BAZ1B: variants seen among roughly 807,000 people sequenced by gnomAD.
The protein encoded by BAZ1B is tyrosine-protein kinase BAZ1B.
BAZ1B carries 22 observed loss-of-function variants against 153.8 expected under a neutral mutation model. The ratio of observed to expected loss-of-function variants is 0.14; its 90% CI spans 0.10 to 0.20. The LOEUF (loss-of-function observed/expected upper bound fraction) is 0.20, where lower values mean the gene tolerates loss of function less well. BAZ1B is among the 10% of genes least tolerant of loss of function. The pLI is 1.00. For synonymous variants in BAZ1B, 676 were observed against 633.4 expected, an observed-to-expected ratio of 1.07 and a Z score of -1.01; for missense variants, 1,325 against 1,799.3, an observed-to-expected ratio of 0.74 and a Z score of 4.77.
intron 1 of BAZ1B, among the ~76,000 whole-genome samples, chr7:73,520,610 C>T (rs1452370051): frequency 6.6e-6 from 1 of 152,172 alleles, no homozygotes; most frequent in Non-Finnish European, 1.5e-5. Context: ...TCTCCAAGAG[C>T]CTTCCTCCAG....
chr7:73,448,786 T>G (rs1787927435), intron 15 of BAZ1B, among the ~76,000 whole-genome samples: 1 of 152,042 alleles, frequency 6.6e-6, no homozygotes, highest in African/African-American at 2.4e-5. Flanking sequence ...CCCAAGCTGG[T>G]ATTGTGTAAG....
chr7:73,469,576 C>T lies in BAZ1B; in HGVS notation c.2807G>A (p.Arg936Gln), dbSNP rs1159927298. ...KGWVHDSIDY[R>Q]FNHHCKDHTV... ...GTGGTCTTTGCAGTGATGGTTGAAT[C>T]GGTAGTCAATGCTGTCATGTACCCA... The change falls in exon 9 of 20, where the codon CGA (arginine) becomes CAA (glutamine). Residue 936 changes from arginine (R) to glutamine (Q), a missense_variant. Coordinates refer to ENST00000339594, the MANE Select transcript of BAZ1B (RefSeq NM_032408.4). 3.1e-6 allele frequency: 5 copies of T among 1,614,004 alleles called. No individual in the cohort carries two copies. The highest frequency in any genetic ancestry group is 4.2e-6 in the Non-Finnish European group (5 of 1,180,010).
intron 13 of BAZ1B, among the ~76,000 whole-genome samples, chr7:73,453,837 G>C (rs1554568987): frequency 1.3e-5 from 2 of 151,850 alleles, no homozygotes; most frequent in Non-Finnish European, 2.9e-5. Flanking sequence ...GAAAAAGCCG[G>C]GTATGGTGGC....
In BAZ1B at chr7:73,442,831, G is replaced by A. The variant is rs782665302; in HGVS notation, c.3991-3C>T. The A allele has an allele frequency of 4.3e-6, 7 of 1,610,024 alleles. No individual in the cohort carries two copies. Among genetic ancestry groups the A allele is most frequent in the Non-Finnish European group, 5.9e-6 (7 of 1,177,056 alleles). On this transcript the variant is annotated splice_polypyrimidine_tract_variant and splice_region_variant and intron_variant, in intron 17 of 19. Coordinates refer to ENST00000339594, the MANE Select transcript of BAZ1B (RefSeq NM_032408.4). ...GAGCTCCGCTTGGTCTGAAGCACCT[G>A]GCAGGAAAGAAAGAACAATGTTATT...
At chr7:73,473,634 A>G (rs1554572366) in intron 7 of BAZ1B, among the ~76,000 whole-genome samples, 2 of 152,230 alleles carry the variant, frequency 1.3e-5, no homozygotes, top group South Asian at 2.1e-4. Context: ...AAATATTTCA[A>G]TGGCCTTAAG....
chr7:73,515,166 A>C (rs1392221900), intron 1 of BAZ1B, among the ~76,000 whole-genome samples: 1 of 152,220 alleles, frequency 6.6e-6, no homozygotes, highest in Non-Finnish European at 1.5e-5. Flanking sequence ...ATTCGTCTAA[A>C]TTCTAATCAT....
Position 73,477,023 on chromosome 7 carries a change from T to C in BAZ1B, c.2438A>G (p.Asn813Ser), listed in dbSNP as rs1048306515. The change falls in exon 7 of 20, where the codon AAT becomes AGT. Residue 813 changes from asparagine to serine, a missense_variant. Asn to Ser is a conservative substitution (Grantham distance 46, BLOSUM62 1). Transcript: ENST00000339594. This position sits in a 1 kb window ranked among gnomAD's most constrained non-coding sequence, Gnocchi z 5.6. Reference sequence around the variant, plus strand: ...TTTCCTATCAGTTTTGCCTAACCCATTCTCAACTTTTCCATTTTCTTTATT... The same window carrying C: ...TTTCCTATCAGTTTTGCCTAACCCACTCTCAACTTTTCCATTTTCTTTATT... ...AKNKENGKVE[N>S]GLGKTDRKKE... 1.2e-6 allele frequency: 2 copies of C among 1,614,092 alleles called. No homozygotes were observed. Among genetic ancestry groups the C allele is most frequent in the African/African-American group, 1.3e-5 (1 of 74,940 alleles).
At chr7:73,479,375 G>A (rs528714337) in intron 6 of BAZ1B, among the ~76,000 whole-genome samples, 2 of 151,972 alleles carry the variant, frequency 1.3e-5, no homozygotes, top group Admixed American at 1.3e-4. Flanking sequence ...CAGGCATGGT[G>A]GCACATGCCT....
intron 11 of BAZ1B, 44 bp downstream of exon 11, chr7:73,465,395 C>T: frequency 1.5e-6 from 2 of 1,302,922 alleles, no homozygotes; most frequent in East Asian, 2.4e-5. Context: ...ATATCCAATG[C>T]TAAAGAGAAG....
chr7:73,452,165 A>T (rs1203027154), intron 13 of BAZ1B, among the ~76,000 whole-genome samples: 1 of 152,184 alleles, frequency 6.6e-6, no homozygotes, highest in African/African-American at 2.4e-5. Context: ...TTTTTAAAAA[A>T]CAGATTTTAA....
At chr7:73,446,546 CAAAA>C (rs1175189600) in intron 16 of BAZ1B, among the ~76,000 whole-genome samples, 30 of 41,532 alleles carry the variant, frequency 7.2e-4, no homozygotes, top group African/African-American at 2.2e-3. Context: ...GAGACCATCT[CAAAA>C]AAAAAAAAAA....
At position 73,478,351 on chromosome 7, in the gene BAZ1B, C is replaced by T; in HGVS notation, c.1110G>A (p.Met370Ile). ...GCAGCTTATTGGGCGACATCATCTT[C>T]ATCATTTCTTCTAGATGTTCTTCAG... ...KSPEEHLEEMMKMMSPNKLHT... is the reference protein window; with the variant it reads ...KSPEEHLEEMIKMMSPNKLHT... Residue 370 changes from methionine (M) to isoleucine (I), a missense_variant, in exon 7 of 20, where the codon ATG becomes ATA. This residue lies in a region of BAZ1B where 219 missense variants were observed against 248.2 expected (regional missense o/e 0.88). Coordinates refer to ENST00000339594, the MANE Select transcript of BAZ1B (RefSeq NM_032408.4). The T allele has an allele frequency of 6.2e-7, 1 of 1,612,512 alleles. No homozygotes were observed. Among genetic ancestry groups the T allele is most frequent in the Non-Finnish European group, 8.5e-7 (1 of 1,179,670 alleles).
intron 6 of BAZ1B, among the ~76,000 whole-genome samples, chr7:73,488,714 CAA>C (rs35812071): frequency 1.5e-4 from 9 of 59,230 alleles, no homozygotes; most frequent in Non-Finnish European, 1.4e-4. Flanking sequence ...GACTCCAACT[CAA>C]AAAAAAAAAA....
intron 9 of BAZ1B, among the ~76,000 whole-genome samples, chr7:73,468,581 A>G (rs1554571535): frequency 6.6e-6 from 1 of 152,198 alleles, no homozygotes; most frequent in East Asian, 1.9e-4. Context: ...ATATATTCAG[A>G]AAACTATTCA....
Position 73,477,475 on chromosome 7 carries a change from G to A in BAZ1B, c.1986C>T (p.Leu662=), listed in dbSNP as rs1789038974. Residue 662 remains leucine, a synonymous_variant, in exon 7 of 20, where the codon CTC becomes CTT. Coordinates refer to ENST00000339594, the MANE Select transcript of BAZ1B (RefSeq NM_032408.4). This position sits in a 1 kb window ranked among gnomAD's most constrained non-coding sequence, Gnocchi z 5.6. ...NRVLVILLQT[L]LQDEIAEDYG... Reference sequence around the variant, plus strand: ...AGTCTTCTGCTATCTCATCTTGTAGGAGGGTCTGTAAGAGGATGACCAACA... The same window carrying A: ...AGTCTTCTGCTATCTCATCTTGTAGAAGGGTCTGTAAGAGGATGACCAACA... The A allele has an allele frequency of 1.2e-6, 2 of 1,614,082 alleles. No homozygotes were observed. The highest frequency in any genetic ancestry group is 8.5e-7 in the Non-Finnish European group (1 of 1,180,042).
At chr7:73,455,888 TG>T (rs1788180722) in intron 13 of BAZ1B, among the ~76,000 whole-genome samples, 4 of 152,290 alleles carry the variant, frequency 2.6e-5, no homozygotes. Context: ...AGTGAGAAAC[TG>T]AAGACTGTTG....
intron 9 of BAZ1B, among the ~76,000 whole-genome samples, chr7:73,467,886 A>G (rs1788656234): frequency 6.6e-6 from 1 of 152,234 alleles, no homozygotes; most frequent in South Asian, 2.1e-4. Context: ...CCCTCACCTG[A>G]GTATTTATGA....
At position 73,450,732 on chromosome 7, in the gene BAZ1B, T is replaced by C. The variant is rs1485711859; in HGVS notation, c.3580+115A>G. 7.9e-7 allele frequency: 1 copy of C among 1,271,344 alleles called. No homozygotes were observed. The highest frequency in any genetic ancestry group is 1.1e-6 in the Non-Finnish European group (1 of 910,562). The allele number at this position is 1,271,344 out of a possible 1,614,324, so 78.8% of individuals were successfully genotyped here. On this transcript the variant is annotated intron_variant, in intron 14 of 19. Transcript: ENST00000339594. The surrounding 1 kb of genome is among the most constrained non-coding windows in gnomAD (Gnocchi z 4.1). Reference sequence around the variant, plus strand: ...TACAGACCTGCAGGAGAGTAAAATCTATACCACACTTATATTCTGTGTACA... The same window carrying C: ...TACAGACCTGCAGGAGAGTAAAATCCATACCACACTTATATTCTGTGTACA...
chr7:73,498,504 C>T lies in BAZ1B; in HGVS notation c.564G>A (p.Glu188=). ...AGCTAATATCAAACATACTAATACT[C>T]TCTCTCCTTCCTTCATCCTCTTTCA... ...TVVKEDEGRR[E]SINDRARRSP... Residue 188 remains glutamate (E), a synonymous_variant, in exon 4 of 20, where the codon GAG becomes GAA. Coordinates refer to ENST00000339594, the MANE Select transcript of BAZ1B (RefSeq NM_032408.4). The T allele has an allele frequency of 6.2e-7, 1 of 1,611,640 alleles. No individual in the cohort carries two copies. The highest frequency in any genetic ancestry group is 1.3e-5 in the African/African-American group (1 of 74,998).
Sources: allele counts gnomAD v4.1 joint callset (sites outside exome capture counted in the v4.1 genomes callset), GRCh38; gene constraint gnomAD v4.1.1; regional missense constraint gnomAD v4.1.1; non-coding constraint Gnocchi (gnomAD v3.1); transcripts MANE v1.5; gene names NCBI Gene and HGNC (gene_info 2026-07-23, HGNC 2026-07-21).